ASIC2: variants seen among roughly 807,000 people sequenced by gnomAD.
ASIC2 encodes the protein acid sensing ion channel subunit 2.
Under a neutral mutation model 57.3 loss-of-function variants are expected in ASIC2, and 25 were observed. The observed-to-expected ratio is 0.44, with a 90% CI of 0.32 to 0.61. The LOEUF (loss-of-function observed/expected upper bound fraction) is 0.61. Ranked by LOEUF, ASIC2 falls within the 20% of genes least tolerant of loss-of-function variation. The pLI, the probability that ASIC2 is intolerant of heterozygous loss-of-function variation, is 0.06. For synonymous variants in ASIC2, 319 were observed against 307.5 expected, an observed-to-expected ratio of 1.04 and a Z score of -0.39; for missense variants, 641 against 738.1, an observed-to-expected ratio of 0.87 and a Z score of 1.52.
At chr17:34,151,105 GAA>G (rs56803983) in intron 1 of ASIC2, among the ~76,000 whole-genome samples, 6,695 of 125,068 alleles carry the variant, frequency 0.054, 381 homozygotes, top group African/African-American at 0.14. Context: ...TCCATCTCAA[GAA>G]AAAAAAAAAA....
intron 1 of ASIC2, among the ~76,000 whole-genome samples, chr17:33,330,350 G>C (rs1306284625): frequency 1.3e-5 from 2 of 152,090 alleles, no homozygotes; most frequent in African/African-American, 4.8e-5. Context: ...CTGGACTTCT[G>C]GCCTCTTGCA....
chr17:33,022,974 A>T (rs2091843273), intron 6 of ASIC2, among the ~76,000 whole-genome samples: 1 of 152,160 alleles, frequency 6.6e-6, no homozygotes, highest in African/African-American at 2.4e-5. Flanking sequence ...TAACTACGTT[A>T]CCCAGGCTGA....
intron 4 of ASIC2, 61 bp from the exon 5 acceptor site, chr17:33,026,043 T>C (rs1299005195): frequency 6.3e-7 from 1 of 1,579,220 alleles, no homozygotes; most frequent in Non-Finnish European, 8.7e-7. Flanking sequence ...CAGCAACACC[T>C]CCTCTGCTTT....
At chr17:33,243,905 C>T (rs961323469) in intron 1 of ASIC2, among the ~76,000 whole-genome samples, 19 of 152,172 alleles carry the variant, frequency 1.2e-4, no homozygotes, top group African/African-American at 4.6e-4. Context: ...GCTAGTTTGG[C>T]TTTGCCACAA....
intron 1 of ASIC2, among the ~76,000 whole-genome samples, chr17:33,953,538 T>G (rs971863407): frequency 6.6e-6 from 1 of 151,474 alleles, no homozygotes. Flanking sequence ...TTGTATCTAC[T>G]TGGTTGCTTG....
chr17:33,403,421 C>T (rs373343467), intron 1 of ASIC2, among the ~76,000 whole-genome samples: 1 of 152,192 alleles, frequency 6.6e-6, no homozygotes, highest in Non-Finnish European at 1.5e-5. Context: ...CTGGGTTGAG[C>T]TTATCTTGCA....
chr17:33,441,094 A>G (rs553185444), intron 1 of ASIC2, among the ~76,000 whole-genome samples: 2 of 152,080 alleles, frequency 1.3e-5, no homozygotes, highest in Middle Eastern at 6.8e-3. Context: ...TCAGCCTCCC[A>G]AGTAGCTGGG....
chr17:33,472,195 T>C (rs958137036), intron 1 of ASIC2, among the ~76,000 whole-genome samples: 3 of 152,022 alleles, frequency 2.0e-5, no homozygotes, highest in African/African-American at 7.2e-5. Flanking sequence ...AATTTCTTTA[T>C]TTTTAGTAGA....
At chr17:34,038,731 A>T in intron 1 of ASIC2, 2 of 1,606,712 alleles carry the variant, frequency 1.2e-6, no homozygotes, top group East Asian at 4.5e-5. Flanking sequence ...CTTCTTGTTC[A>T]TGGTATTCTT....
intron 1 of ASIC2, among the ~76,000 whole-genome samples, chr17:33,548,305 A>G (rs1915642380): frequency 6.6e-6 from 1 of 152,230 alleles, no homozygotes; most frequent in South Asian, 2.1e-4. Context: ...ATTAAAATAT[A>G]GTTTGTTGAA....
chr17:33,252,041 A>G (rs1325329396), intron 1 of ASIC2, among the ~76,000 whole-genome samples: 1 of 152,136 alleles, frequency 6.6e-6, no homozygotes, highest in Non-Finnish European at 1.5e-5. Flanking sequence ...TGAGGTTTGG[A>G]GAGATGGAGT....
intron 1 of ASIC2, among the ~76,000 whole-genome samples, chr17:33,514,065 C>T (rs977740253): frequency 1.3e-5 from 2 of 152,222 alleles, no homozygotes; most frequent in African/African-American, 4.8e-5. Flanking sequence ...GACATCACTC[C>T]CATTTGGCAG....
intron 1 of ASIC2, among the ~76,000 whole-genome samples, chr17:33,832,842 G>T (rs1913156219): frequency 1.3e-5 from 2 of 152,174 alleles, no homozygotes; most frequent in African/African-American, 4.8e-5. Context: ...AGGCCCTTCG[G>T]AAGGCAGGCA....
At position 33,787,000 on chromosome 17, in the gene ASIC2, G is replaced by A. The variant is rs535077782; in HGVS notation, c.555+368978C>T. Among the ~76,000 whole-genome samples the A allele has an allele frequency of 5.9e-5, 9 of 152,308 alleles. No homozygotes were observed. The South Asian group carries it at 1.9e-3, about 32-fold the overall frequency. On this transcript the variant is annotated intron_variant, in intron 1 of 9. Transcript: ENST00000359872. ...TAATTAGATGTCTTTGGGAAATCAA[G>A]CTTCTTGGATGGATGAGACTGATTT...
intron 1 of ASIC2, among the ~76,000 whole-genome samples, chr17:34,142,586 T>C (rs1425803827): frequency 3.9e-5 from 6 of 152,202 alleles, no homozygotes; most frequent in Non-Finnish European, 8.8e-5. Context: ...TCAGATAGTA[T>C]ATGAATCAAT....
chr17:33,941,515 A>T (rs1240083959), intron 1 of ASIC2, among the ~76,000 whole-genome samples: 2 of 152,174 alleles, frequency 1.3e-5, no homozygotes. Flanking sequence ...GCCAATAGAG[A>T]CATCATCTGC....
At chr17:33,768,305 C>T (rs1036629447) in intron 1 of ASIC2, among the ~76,000 whole-genome samples, 2 of 152,060 alleles carry the variant, frequency 1.3e-5, no homozygotes, top group African/African-American at 4.8e-5. Context: ...CAAGCCCAGC[C>T]CATATACATT....
In ASIC2 at chr17:34,039,640, G is replaced by A. The variant is rs1409834847; in HGVS notation, c.555+116338C>T. The A allele has an allele frequency of 4.3e-6, 7 of 1,613,182 alleles. No homozygotes were observed. In the South Asian group the frequency reaches 6.6e-5, roughly 15 times the overall value. ...ATCACTAATTTTATGTCCCCTAGGA[G>A]TGCCTTTCCCTTGGCTACTTTCATA... On this transcript the variant is annotated intron_variant, in intron 1 of 9. Transcript: ENST00000359872.
chr17:33,275,508 G>A (rs1256351803), intron 1 of ASIC2, among the ~76,000 whole-genome samples: 1 of 152,174 alleles, frequency 6.6e-6, no homozygotes, highest in African/African-American at 2.4e-5. Context: ...TCGTAAACTA[G>A]CATCGGCCCT....
Sources: gnomAD v4.1 joint callset for allele counts (sites outside exome capture counted in the v4.1 genomes callset) on GRCh38, gnomAD v4.1.1 for gene constraint, MANE v1.5 for transcripts, NCBI Gene and HGNC (gene_info 2026-07-23, HGNC 2026-07-21) for gene names.